The following MLIP variants were observed in gnomAD, a reference collection of about 807,000 sequenced individuals.
MLIP encodes muscular LMNA interacting protein, also known as muscular LMNA-interacting protein.
MLIP carries 79 observed loss-of-function variants against 84.8 expected under a neutral mutation model. The observed-to-expected ratio is 0.93, with a 90% CI of 0.78 to 1.12. The LOEUF (loss-of-function observed/expected upper bound fraction) is 1.12, where lower values mean the gene tolerates loss of function less well. MLIP is among the 50% of genes most tolerant of loss of function. The probability of loss-of-function intolerance (pLI) is 0.00; values close to 1 mark genes in which losing one functional copy is unlikely to be tolerated. For synonymous variants in MLIP, 504 were observed against 463.0 expected (o/e 1.09, Z -1.14); for missense variants, 1,257 against 1,160.6 (o/e 1.08, Z -1.21).
chr6:54,128,570 T>C (rs1771119223), intron 3 of MLIP, among the ~76,000 whole-genome samples: 1 of 152,058 alleles, frequency 6.6e-6, no homozygotes, highest in Non-Finnish European at 1.5e-5. Flanking sequence ...GTCCATTAAA[T>C]CTTGAAATAA....
In MLIP at chr6:54,094,940, A is replaced by G. The variant is rs554580952; in HGVS notation, c.64-26507A>G. On this transcript the variant is annotated intron_variant, in intron 1 of 12. Transcript: ENST00000274897. ...CAAGGCCTTCTGGCTCAGGGAAATGAAGAAAACAACCTCCAAACACAAACA... is the reference window on the plus strand; with the variant it reads ...CAAGGCCTTCTGGCTCAGGGAAATGGAGAAAACAACCTCCAAACACAAACA... Among the ~76,000 whole-genome samples, 11 of 152,306 alleles carry G rather than the reference A, an allele frequency of 7.2e-5. No homozygotes were observed. In the South Asian group the frequency reaches 2.3e-3, roughly 32 times the overall value.
chr6:54,132,698 C>T (rs1408390073), intron 3 of MLIP, among the ~76,000 whole-genome samples: 1 of 152,108 alleles, frequency 6.6e-6, no homozygotes, highest in Admixed American at 6.6e-5. Context: ...ACCAAAAAAT[C>T]GAGAGGTGCA....
chr6:54,154,184 T>A (rs1407761265), intron 5 of MLIP, among the ~76,000 whole-genome samples: 1 of 152,174 alleles, frequency 6.6e-6, no homozygotes, highest in Non-Finnish European at 1.5e-5. Context: ...TAAATAAGTT[T>A]AGTTTGGGGC....
At chr6:54,216,921 C>G (rs750321149) in intron 11 of MLIP, 22 of 985,204 alleles carry the variant, frequency 2.2e-5, no homozygotes, top group Non-Finnish European at 2.5e-5. Flanking sequence ...AGGGGTCGCT[C>G]TTTAAGAAAA....
At chr6:54,127,200 T>G (rs1426098477) in intron 3 of MLIP, among the ~76,000 whole-genome samples, 2 of 144,402 alleles carry the variant, frequency 1.4e-5, no homozygotes, top group African/African-American at 5.0e-5. Context: ...TGTGATTTTC[T>G]TTATTATTTT....
chr6:54,160,184 G>T (rs1450927578), intron 5 of MLIP, among the ~76,000 whole-genome samples, 183 bp from the exon 6 acceptor site: 2 of 151,934 alleles, frequency 1.3e-5, no homozygotes, highest in African/African-American at 4.8e-5. Context: ...ACTCAAGATG[G>T]ATTAAACACT....
intron 13 of MLIP, among the ~76,000 whole-genome samples, chr6:54,258,121 A>T (rs779034278): frequency 1.3e-5 from 2 of 152,074 alleles, no homozygotes; most frequent in Non-Finnish European, 2.9e-5. Context: ...TAAAAAACTT[A>T]TCTCTGAGAA....
At chr6:54,085,373 A>G (rs1386686461) in intron 1 of MLIP, among the ~76,000 whole-genome samples, 3 of 152,228 alleles carry the variant, frequency 2.0e-5, no homozygotes, top group African/African-American at 4.8e-5. Flanking sequence ...ATTTTTAAGC[A>G]TCAGAATTCC....
At chr6:54,108,322 A>G (rs532952437), upstream of MLIP, among the ~76,000 whole-genome samples, 189 of 152,312 alleles carry the variant, frequency 1.2e-3, 1 homozygote, top group Admixed American at 3.7e-3. Context: ...TTGTCTATAG[A>G]AAAGTTGTTG....
rs528094814 is a variant in MLIP, at chr6:54,181,055, G to T, written c.2545-8815G>T. Among the ~76,000 whole-genome samples, 8 of 152,182 alleles carry T rather than the reference G, an allele frequency of 5.3e-5. No homozygotes were observed. In the South Asian group the frequency reaches 1.7e-3, roughly 32 times the overall value. On this transcript the variant is annotated intron_variant, in intron 9 of 13. Coordinates refer to ENST00000502396, the MANE Select transcript of MLIP (RefSeq NM_001281747.2). ...GAAATGAAGTCTCTCTCTCTGTACTGAGCTGCCTGGAACTGGGGGTGAGAT... is the reference window on the plus strand; with the variant it reads ...GAAATGAAGTCTCTCTCTCTGTACTTAGCTGCCTGGAACTGGGGGTGAGAT...
chr6:54,219,145 G>A (rs1365970622), intron 11 of MLIP, among the ~76,000 whole-genome samples: 1 of 151,892 alleles, frequency 6.6e-6, no homozygotes, highest in East Asian at 1.9e-4. Flanking sequence ...GGTGGAGCTT[G>A]TAGTGAGCCG....
chr6:54,236,978 T>A (rs1358593660), intron 12 of MLIP, among the ~76,000 whole-genome samples: 1 of 152,074 alleles, frequency 6.6e-6, no homozygotes, highest in Non-Finnish European at 1.5e-5. Flanking sequence ...GAGAAATGGT[T>A]TAGTATTCAC....
intron 10 of MLIP, among the ~76,000 whole-genome samples, chr6:54,196,674 TTCTG>T (rs2150697881): frequency 6.6e-6 from 1 of 152,226 alleles, no homozygotes; most frequent in African/African-American, 2.4e-5. Flanking sequence ...CACACTGAGC[TTCTG>T]TCTGTCAATT....
At chr6:54,151,679 T>G (rs1227447958) in intron 5 of MLIP, among the ~76,000 whole-genome samples, 1 of 152,170 alleles carries the variant, frequency 6.6e-6, no homozygotes, top group Non-Finnish European at 1.5e-5. Context: ...AAATAATTCA[T>G]GTCTTAGCTA....
At position 54,137,167 on chromosome 6, in the gene MLIP, C is replaced by G; in HGVS notation, c.1098C>G (p.Val366=). The change falls in exon 4 of 14, where the codon GTC becomes GTG. Residue 366 remains valine (V), a synonymous_variant. Coordinates refer to ENST00000502396, the MANE Select transcript of MLIP (RefSeq NM_001281747.2). Reference sequence around the variant, plus strand: ...CGAATTCGGCCTCGTACATACCAGTCCGCATTGTCACGCATTCACTCTCTC... The same window carrying G: ...CGAATTCGGCCTCGTACATACCAGTGCGCATTGTCACGCATTCACTCTCTC... The part of the protein sequence containing the change: ...LKSNSASYIP[V]RIVTHSLSPS... The G allele has an allele frequency of 6.5e-7, 1 of 1,536,114 alleles. No individual in the cohort carries two copies. Among genetic ancestry groups the G allele is most frequent in the Non-Finnish European group, 8.7e-7 (1 of 1,146,894 alleles).
At chr6:54,246,814 C>G (rs1469473116) in intron 12 of MLIP, among the ~76,000 whole-genome samples, 4 of 152,110 alleles carry the variant, frequency 2.6e-5, no homozygotes, top group African/African-American at 9.7e-5. Flanking sequence ...TCTAGTAAGA[C>G]AAGTCCATTT....
At chr6:54,171,708 A>G (rs1477973329) in intron 9 of MLIP, among the ~76,000 whole-genome samples, 1 of 151,572 alleles carries the variant, frequency 6.6e-6, no homozygotes, top group East Asian at 1.9e-4. Context: ...TTTTTTTAAA[A>G]GAATGATACT....
chr6:54,063,704 C>T lies in MLIP; in HGVS notation c.63+44613C>T, dbSNP rs753153427. 7.5e-4 allele frequency among the ~76,000 whole-genome samples: 110 copies of T among 147,090 alleles called. 1 individual carries two copies. Among genetic ancestry groups the T allele is most frequent in the Non-Finnish European group, 1.1e-3 (74 of 67,410 alleles). ...ATTAGATGGAGTGGGATGGGGTAGG[C>T]AGAACTAGGTCAGTGGCGTGTGTGT... is the stretch of plus-strand genomic sequence containing the variant. On this transcript the variant is annotated intron_variant, in intron 1 of 12. Transcript: ENST00000274897.
At position 54,157,843 on chromosome 6, in the gene MLIP, A is replaced by C. The variant is rs78876961; in HGVS notation, c.2290-2524A>C. On this transcript the variant is annotated intron_variant, in intron 5 of 13. Transcript: ENST00000502396. ...CATAATTTTAAAGAATGATGAAAGA[A>C]AGCACAAAATAGATTTTTGTTATGG... Among the ~76,000 whole-genome samples, 1,249 of 152,242 alleles carry C rather than the reference A, an allele frequency of 8.2e-3. 17 individuals are homozygous for C. The highest frequency in any genetic ancestry group is 0.028 in the African/African-American group (1,162 of 41,546).
Sources: allele counts gnomAD v4.1 joint callset (sites outside exome capture counted in the v4.1 genomes callset), GRCh38; gene constraint gnomAD v4.1.1; transcripts MANE v1.5; gene names NCBI Gene and HGNC (gene_info 2026-07-23, HGNC 2026-07-21).